YBX3: variants seen among roughly 807,000 people sequenced by gnomAD.
The protein encoded by YBX3 is Y-box binding protein 3.
Under a neutral mutation model 42.4 loss-of-function variants are expected in YBX3, and 29 were observed. That is an observed-to-expected ratio of 0.68 (90% confidence interval 0.51 to 0.93). The LOEUF (loss-of-function observed/expected upper bound fraction) is 0.93, where lower values mean the gene tolerates loss of function less well. YBX3 is among the 40% of genes least tolerant of loss of function. The pLI, the probability that YBX3 is intolerant of heterozygous loss-of-function variation, is 0.00. For synonymous variants in YBX3, 195 were observed against 189.8 expected (o/e 1.03, Z -0.22); for missense variants, 517 against 527.5 (o/e 0.98, Z 0.19).
At chr12:10,711,542 G>A (rs560224386) in intron 5 of YBX3, 1 of 152,290 alleles carries the variant, frequency 6.6e-6, no homozygotes, top group Admixed American at 6.5e-5. Context: ...TTAAGTGTGA[G>A]ACAACATAAA....
At chr12:10,704,626 C>T (rs1049336724) in intron 6 of YBX3, among the ~76,000 whole-genome samples, 5 of 136,702 alleles carry the variant, frequency 3.7e-5, no homozygotes, top group Non-Finnish European at 8.8e-5. Context: ...TTTCTCAAAA[C>T]ATCCCTTCCT....
chr12:10,706,798 AC>A (rs1363675702), intron 6 of YBX3, among the ~76,000 whole-genome samples: 2 of 152,156 alleles, frequency 1.3e-5, no homozygotes, highest in Admixed American at 1.3e-4. Flanking sequence ...CAGGTGGATC[AC>A]AAAGTCAGGA....
chr12:10,704,612 T>C (rs1948117260), intron 6 of YBX3, among the ~76,000 whole-genome samples: 1 of 148,774 alleles, frequency 6.7e-6, no homozygotes, highest in East Asian at 1.9e-4. Context: ...CAACTTTCTT[T>C]TCTTTTCTCA....
rs1413452088 is a variant in YBX3, at chr12:10,699,369, C to A, written c.*320G>T. 2 of 152,402 alleles carry A rather than the reference C, an allele frequency of 1.3e-5. No individual in the cohort carries two copies. Among genetic ancestry groups the A allele is most frequent in the African/African-American group, 4.8e-5 (2 of 41,368 alleles). 9.4% of individuals were successfully genotyped at this position (152,402 alleles called of 1,614,324 possible). A position where few individuals can be genotyped will look rare whatever the true frequency, so the allele number is the denominator to read the frequency against. Reference sequence around the variant, plus strand: ...ATTTCTTGTTTCAATATATATATTACCAAAACAGTAAAAACCAGGAAAAAA... The same window carrying A: ...ATTTCTTGTTTCAATATATATATTAACAAAACAGTAAAAACCAGGAAAAAA... On this transcript the variant is annotated 3_prime_UTR_variant, in exon 10 of 10. Coordinates refer to ENST00000228251, the MANE Select transcript of YBX3 (RefSeq NM_003651.5).
At chr12:10,710,995 C>G (rs960650441) in intron 5 of YBX3, 1 of 153,912 alleles carries the variant, frequency 6.5e-6, no homozygotes, top group Non-Finnish European at 1.4e-5. Flanking sequence ...ATCCCAAAAT[C>G]AGGAAGTTTG....
chr12:10,715,543 TAA>T (rs112162659), intron 4 of YBX3, 149 bp downstream of exon 4: 729 of 590,442 alleles, frequency 1.2e-3, no homozygotes, highest in East Asian at 1.9e-3. Context: ...GACCCCATCT[TAA>T]AAAAAAAAAA....
chr12:10,715,280 C>T (rs1242267794), intron 4 of YBX3, among the ~76,000 whole-genome samples: 1 of 151,696 alleles, frequency 6.6e-6, no homozygotes, highest in Non-Finnish European at 1.5e-5. Flanking sequence ...TGTGGTGGCT[C>T]ACACCTGTAA....
intron 9 of YBX3, among the ~76,000 whole-genome samples, chr12:10,700,463 A>T (rs574071759): frequency 2.8e-4 from 42 of 151,432 alleles, no homozygotes; most frequent in African/African-American, 9.9e-4. Context: ...GTTATAGGTT[A>T]AAAAAAAACA....
In YBX3 at chr12:10,714,775, T is replaced by A. The variant is rs565338473; in HGVS notation, c.450+919A>T. Among the ~76,000 whole-genome samples, 1,333 of 150,630 alleles carry A rather than the reference T, an allele frequency of 8.8e-3. 14 individuals carry two copies. Among genetic ancestry groups the A allele is most frequent in the African/African-American group, 0.028 (1,154 of 41,180 alleles). ...AGTTTTTCTTTTCTTTTTTTTTTTT[T>A]AAAAAACGGAATCTTGCTCTGTCCC... On this transcript the variant is annotated intron_variant, in intron 4 of 9. Coordinates refer to ENST00000228251, the MANE Select transcript of YBX3 (RefSeq NM_003651.5).
intron 1 of YBX3, among the ~76,000 whole-genome samples, chr12:10,719,834 C>G (rs1241146065): frequency 6.6e-6 from 1 of 152,154 alleles, no homozygotes; most frequent in African/African-American, 2.4e-5. Context: ...TCCATAAAAT[C>G]CCCCTCTTTA....
intron 6 of YBX3, chr12:10,704,398 T>A: frequency 2.9e-6 from 1 of 349,486 alleles, no homozygotes; most frequent in South Asian, 1.2e-4. Context: ...TTTTCGCCTA[T>A]CAATTTAACA....
rs375946689 is a variant in YBX3, at chr12:10,702,466, A to G, written c.879-332T>C. On this transcript the variant is annotated intron_variant, in intron 7 of 9. Coordinates refer to ENST00000228251, the MANE Select transcript of YBX3 (RefSeq NM_003651.5). ...AATCCATGAGGCAGAGGTTGCAGCA[A>G]CCCGAGATTGGCACACTCCAGCCTG... 33 of 161,922 alleles carry G rather than the reference A, an allele frequency of 2.0e-4. No individual in the cohort carries two copies. The South Asian group carries it at 6.3e-3, about 31-fold the overall frequency. 10.0% of individuals were successfully genotyped at this position (161,922 alleles called of 1,614,324 possible).
In YBX3 at chr12:10,723,177, G is replaced by T; in HGVS notation, c.-66C>A. ...GGTTGGTCGGCGGTTAGCGCGGCTGGTGGTCGCGGCGGCCGGGGCTCGCTC... is the reference window on the plus strand; with the variant it reads ...GGTTGGTCGGCGGTTAGCGCGGCTGTTGGTCGCGGCGGCCGGGGCTCGCTC... On this transcript the variant is annotated 5_prime_UTR_variant, in exon 1 of 10. Transcript: ENST00000228251. The T allele has an allele frequency of 8.4e-7, 1 of 1,184,596 alleles. No individual in the cohort carries two copies. The highest frequency in any genetic ancestry group is 1.0e-6 in the Non-Finnish European group (1 of 957,750). The allele number at this position is 1,184,596 out of a possible 1,614,324, so 73.4% of individuals were successfully genotyped here.
chr12:10,701,485 TA>T, intron 8 of YBX3, 132 bp from the exon 9 acceptor site: 1 of 658,742 alleles, frequency 1.5e-6, no homozygotes, highest in South Asian at 1.7e-5. Flanking sequence ...TACTCTTAAG[TA>T]TGAGTCACAA....
At position 10,715,774 on chromosome 12, in the gene YBX3, T is replaced by G; in HGVS notation, c.370A>C (p.Lys124Gln). The G allele has an allele frequency of 6.2e-7, 1 of 1,614,018 alleles. No individual in the cohort carries two copies. Among genetic ancestry groups the G allele is most frequent in the Non-Finnish European group, 8.5e-7 (1 of 1,179,922 alleles). Residue 124 changes from lysine to glutamine, a missense_variant, in exon 4 of 10, where the codon AAG becomes CAG. By Grantham distance (53) the Lys-to-Gln change is moderately conservative. Coordinates refer to ENST00000228251, the MANE Select transcript of YBX3 (RefSeq NM_003651.5). ...AGATATTTCCGTGGGTTATTCTTCT[T>G]GATGGCAGTCTGGAAAGAGAACAGA... Reference protein sequence around the residue: ...EDVFVHQTAIKKNNPRKYLRS... With the variant: ...EDVFVHQTAIQKNNPRKYLRS...
chr12:10,704,840 A>G (rs1948119956), intron 6 of YBX3, among the ~76,000 whole-genome samples: 1 of 152,214 alleles, frequency 6.6e-6, no homozygotes. Context: ...TAGACACAGC[A>G]TGTTAACGCT....
Position 10,723,251 on chromosome 12 carries a change from T to TGGGGTCGCGCGGCGGAGGC in YBX3, c.-159_-141dup, listed in dbSNP as rs1948357350. On this transcript the variant is annotated 5_prime_UTR_variant, in exon 1 of 10. Coordinates refer to ENST00000228251, the MANE Select transcript of YBX3 (RefSeq NM_003651.5). ...GCGGCGCAGGCGGCGGCGGCCGAGG[T>TGGGGTCGCGCGGCGGAGGC]GGGGTCGCGCGGCGGAGGCGGCTCG... 3 of 1,159,498 alleles carry TGGGGTCGCGCGGCGGAGGC rather than the reference T, an allele frequency of 2.6e-6. No homozygotes were observed. The highest frequency in any genetic ancestry group is 3.2e-6 in the Non-Finnish European group (3 of 939,642). 71.8% of individuals were successfully genotyped at this position (1,159,498 alleles called of 1,614,324 possible).
chr12:10,707,417 T>C (rs531927060), intron 6 of YBX3, among the ~76,000 whole-genome samples: 3 of 152,322 alleles, frequency 2.0e-5, no homozygotes, highest in Admixed American at 6.5e-5. Context: ...ATACAATATA[T>C]TACCATTCCT....
At chr12:10,708,682 C>T (rs1948164961) in intron 6 of YBX3, among the ~76,000 whole-genome samples, 1 of 152,186 alleles carries the variant, frequency 6.6e-6, no homozygotes, top group South Asian at 2.1e-4. Context: ...CAGGAATAAG[C>T]GTACATGTTC....
Sources: allele counts gnomAD v4.1 joint callset (sites outside exome capture counted in the v4.1 genomes callset), GRCh38; gene constraint gnomAD v4.1.1; transcripts MANE v1.5; gene names NCBI Gene and HGNC (gene_info 2026-07-23, HGNC 2026-07-21).